EPHB4: variants seen among roughly 807,000 people sequenced by gnomAD.
The protein encoded by EPHB4 is ephrin type-B receptor 4.
A neutral mutation model predicts 110.6 loss-of-function variants in EPHB4; 50 were observed. The observed-to-expected ratio is 0.45, with a 90% confidence interval of 0.36 to 0.57. The LOEUF is 0.57. Among genes scored for constraint, EPHB4 ranks in the 20% least tolerant of loss-of-function variants. The pLI, the probability that EPHB4 is intolerant of heterozygous loss-of-function variation, is 0.00. For missense variants in EPHB4, 1,128 were observed against 1,382.1 expected (o/e 0.82, Z 2.91); for synonymous variants, 592 against 578.4 (o/e 1.02, Z -0.34).
Position 100,822,376 on chromosome 7 carries a change from G to A in EPHB4, c.703C>T (p.Pro235Ser), listed in dbSNP as rs200701924. The change falls in exon 4 of 17, where the codon CCC (proline) becomes TCC (serine). Residue 235 changes from proline to serine, a missense_variant. By Grantham distance (74) the Pro-to-Ser change is moderately conservative. Around this residue, in one of 3 missense-constraint regions of EPHB4, gnomAD observed 728 missense variants for 828.6 expected, o/e 0.88. Coordinates refer to ENST00000358173, the MANE Select transcript of EPHB4 (RefSeq NM_004444.5). The surrounding 1 kb of genome is among the most constrained non-coding windows in gnomAD (Gnocchi z 4.7). The part of the protein sequence containing the change: ...VDAVPAPGPS[P>S]SLYCREDGQW... ...CCATCCTCACGGCAGTAGAGGCTGGGGCTGGGGCCAGGGGCGGGGACGGCA... is the reference window on the plus strand; with the variant it reads ...CCATCCTCACGGCAGTAGAGGCTGGAGCTGGGGCCAGGGGCGGGGACGGCA... The A allele has an allele frequency of 8.8e-4, 1,391 of 1,577,436 alleles. 7 individuals are homozygous for A. Among genetic ancestry groups the A allele is most frequent in the Non-Finnish European group, 3.5e-4 (403 of 1,161,124 alleles).
rs746199977 is a variant in EPHB4, at chr7:100,822,463, G to A, written c.616C>T (p.Arg206Ter). 6 of 1,608,536 alleles carry A rather than the reference G, an allele frequency of 3.7e-6. No homozygotes were observed. The Admixed American group carries it at 8.4e-5, about 22-fold the overall frequency. The change falls in exon 4 of 17, where the codon CGA (arginine) becomes TGA (stop). Residue 206 changes from arginine to a stop codon, truncating the protein, a stop_gained. Transcript: ENST00000358173. LOFTEE classifies it high-confidence loss of function. The surrounding 1 kb of genome is among the most constrained non-coding windows in gnomAD (Gnocchi z 4.7). ...TCCCGAGGCACAGTCTCCGGGAATC[G>A]AGTCAGGTTCACAGTCAGCTGGGCG... ...KCAQLTVNLT[R>*]FPETVPRELV...
rs568636597 is a variant in EPHB4, at chr7:100,816,402, C to T, written c.1588+790G>A. 3.3e-5 allele frequency among the ~76,000 whole-genome samples: 5 copies of T among 151,400 alleles called. No individual in the cohort carries two copies. In the South Asian group the frequency reaches 6.3e-4, roughly 19 times the overall value. ...AGGCTGGAGTGCACTGGCACAATCT[C>T]AGCTCACTGCAACCTCCACCTCCCA... is the stretch of plus-strand genomic sequence containing the variant. On this transcript the variant is annotated intron_variant, in intron 8 of 16. Coordinates refer to ENST00000358173, the MANE Select transcript of EPHB4 (RefSeq NM_004444.5).
intron 2 of EPHB4, 62 bp from the exon 3 acceptor site, chr7:100,823,993 G>A: frequency 2.6e-6 from 4 of 1,521,568 alleles, no homozygotes; most frequent in Admixed American, 2.0e-5. Flanking sequence ...GCTGCATGGG[G>A]TGAATCCTAT....
intron 4 of EPHB4, among the ~76,000 whole-genome samples, chr7:100,821,647 T>C (rs892089765): frequency 1.3e-5 from 2 of 150,834 alleles, no homozygotes; most frequent in African/African-American, 4.9e-5. Flanking sequence ...AAAAAAATTT[T>C]TTTTAGAGAC....
intron 7 of EPHB4, 133 bp from the exon 8 acceptor site, chr7:100,817,490 AC>A: frequency 1.0e-6 from 1 of 965,136 alleles, no homozygotes; most frequent in Non-Finnish European, 1.5e-6. Context: ...GGGAGAACTT[AC>A]GCATGCAAGC....
intron 10 of EPHB4, 163 bp downstream of exon 10, chr7:100,813,485 GATGT>G (rs1164610699): frequency 6.6e-6 from 5 of 753,218 alleles, no homozygotes; most frequent in Non-Finnish European, 1.1e-5. Context: ...CTGGCTGACT[GATGT>G]ATTTTTTATA....
At chr7:100,824,692 C>T (rs1562974923) in intron 1 of EPHB4, 1 of 191,290 alleles carries the variant, frequency 5.2e-6, no homozygotes, top group Non-Finnish European at 1.1e-5. Flanking sequence ...CAGAATCAGC[C>T]TCTCTACCCC....
At chr7:100,820,886 TGAG>T (rs1276610498) in intron 4 of EPHB4, 1 of 151,692 alleles carries the variant, frequency 6.6e-6, no homozygotes, top group African/African-American at 2.4e-5. Context: ...TTTTTTTTCC[TGAG>T]AAGGAGGCCA....
At chr7:100,813,531 G>A in intron 10 of EPHB4, 121 bp downstream of exon 10, 1 of 1,029,332 alleles carries the variant, frequency 9.7e-7, no homozygotes, top group Non-Finnish European at 1.4e-6. Flanking sequence ...GGCCAGGCTG[G>A]TCTCGAACTC....
chr7:100,826,835 T>A, intron 1 of EPHB4, 144 bp downstream of exon 1: 1 of 508,456 alleles, frequency 2.0e-6, no homozygotes, highest in Non-Finnish European at 3.1e-6. Flanking sequence ...CCCCTCCCGT[T>A]CCAGCACTAT....
intron 16 of EPHB4, 83 bp downstream of exon 16, chr7:100,805,083 C>T: frequency 6.6e-7 from 1 of 1,504,236 alleles, no homozygotes; most frequent in Non-Finnish European, 8.9e-7. Context: ...CGAAGCTGAC[C>T]CCAAAAGCCC....
intron 2 of EPHB4, 101 bp downstream of exon 2, chr7:100,824,102 G>A: frequency 6.4e-7 from 1 of 1,559,466 alleles, no homozygotes; most frequent in Non-Finnish European, 8.8e-7. Flanking sequence ...GTCATCTGGG[G>A]GGACAGGGGA....
intron 1 of EPHB4, 38 bp from the exon 2 acceptor site, chr7:100,824,311 G>C (rs370177529): frequency 8.3e-5 from 133 of 1,606,940 alleles, no homozygotes; most frequent in Non-Finnish European, 1.1e-4. Context: ...TGCCTGGGGT[G>C]GGGGAGGGAG....
At chr7:100,816,178 G>A (rs1292385919) in intron 8 of EPHB4, among the ~76,000 whole-genome samples, 3 of 151,066 alleles carry the variant, frequency 2.0e-5, no homozygotes, top group African/African-American at 7.3e-5. Context: ...AAAAAAAAAT[G>A]TGAAAGAAAA....
intron 5 of EPHB4, 77 bp from the exon 6 acceptor site, chr7:100,819,966 G>T: frequency 6.8e-7 from 1 of 1,476,916 alleles, no homozygotes; most frequent in Non-Finnish European, 9.1e-7. Flanking sequence ...GGCACCAGCA[G>T]CCATGCTGGA....
At position 100,827,188 on chromosome 7, in the gene EPHB4, G is replaced by A; in HGVS notation, c.-158C>T. 6.4e-6 allele frequency: 4 copies of A among 624,730 alleles called. No homozygotes were observed. In the South Asian group the frequency reaches 1.4e-4, roughly 23 times the overall value. 38.7% of individuals were successfully genotyped at this position (624,730 alleles called of 1,614,324 possible). A position where few individuals can be genotyped will look rare whatever the true frequency, so the allele number is the denominator to read the frequency against. On this transcript the variant is annotated 5_prime_UTR_variant, in exon 1 of 17. Coordinates refer to ENST00000358173, the MANE Select transcript of EPHB4 (RefSeq NM_004444.5). ...ATGCGAGCGTGCGGGGCACCGGGCG[G>A]CGGCGCCAAGTGTGGCCCCGCGTCT...
chr7:100,819,740 G>A lies in EPHB4; in HGVS notation c.1114C>T (p.Pro372Ser), dbSNP rs753323358. 2 of 1,609,858 alleles carry A rather than the reference G, an allele frequency of 1.2e-6. No individual in the cohort carries two copies. Among genetic ancestry groups the A allele is most frequent in the Non-Finnish European group, 1.7e-6 (2 of 1,178,432 alleles). ...RECRPGGSCA[P>S]CGGDLTFDPG... ...TCAAAAGTCAGGTCTCCCCCGCAGG[G>A]CGCACAGGAGCCTCCGGGTCGGCAC... is the stretch of plus-strand genomic sequence containing the variant. The change falls in exon 6 of 17, where the codon CCC becomes TCC. Residue 372 changes from proline (P) to serine (S), a missense_variant. Around this residue, in one of 3 missense-constraint regions of EPHB4, gnomAD observed 728 missense variants for 828.6 expected, o/e 0.88. Transcript: ENST00000358173.
At chr7:100,818,418 A>G in intron 7 of EPHB4, 102 bp downstream of exon 7, 1 of 1,535,232 alleles carries the variant, frequency 6.5e-7, no homozygotes, top group Non-Finnish European at 8.8e-7. Context: ...TCCATGGCAG[A>G]GCTGGAATTC....
At chr7:100,817,429 C>G (rs1005332541) in intron 7 of EPHB4, 72 bp from the exon 8 acceptor site, 387 of 1,465,498 alleles carry the variant, frequency 2.6e-4, no homozygotes, top group Non-Finnish European at 3.3e-4. Flanking sequence ...TGCCTCCTTC[C>G]CTCGCCCTCC....
Sources: gnomAD v4.1 joint callset for allele counts (sites outside exome capture counted in the v4.1 genomes callset) on GRCh38, gnomAD v4.1.1 for gene constraint, gnomAD v4.1.1 regional missense constraint, Gnocchi (gnomAD v3.1) non-coding constraint, MANE v1.5 for transcripts, NCBI Gene and HGNC (gene_info 2026-07-23, HGNC 2026-07-21) for gene names.